The following FERMT1 variants were observed in gnomAD, a reference collection of about 807,000 sequenced individuals.
The protein encoded by FERMT1 is fermitin family homolog 1.
FERMT1 carries 60 observed loss-of-function variants against 85.3 expected under a neutral mutation model. The ratio of observed to expected loss-of-function variants is 0.70; its 90% CI spans 0.57 to 0.87. The LOEUF is 0.87. Among genes scored for constraint, FERMT1 ranks in the 40% least tolerant of loss-of-function variants. The pLI is 0.00. For synonymous variants in FERMT1, 275 were observed against 301.1 expected (o/e 0.91, Z 0.90); for missense variants, 701 against 818.9 (o/e 0.86, Z 1.76).
At chr20:6,108,479 G>A (rs1434395201) in intron 5 of FERMT1, among the ~76,000 whole-genome samples, 1 of 152,086 alleles carries the variant, frequency 6.6e-6, no homozygotes, top group Non-Finnish European at 1.5e-5. Flanking sequence ...TGTAGACAAA[G>A]AGACTTAGTC....
At position 6,110,386 on chromosome 20, in the gene FERMT1, C is replaced by T. The variant is rs77424372; in HGVS notation, c.658G>A (p.Ala220Thr). ...GGGGACTGGGGGGGTTGGCTGAATGCGAGGATGCTGCAGTTTTGTTCCGTC... is the reference window on the plus strand; with the variant it reads ...GGGGACTGGGGGGGTTGGCTGAATGTGAGGATGCTGCAGTTTTGTTCCGTC... The part of the protein sequence containing the change: ...PLTEQNCSIL[A>T]FSQPPQSPEA... The change falls in exon 5 of 15, where the codon GCA becomes ACA. Residue 220 changes from alanine to threonine, a missense_variant. Ala to Thr is a moderately conservative substitution (Grantham distance 58). Coordinates refer to ENST00000217289, the MANE Select transcript of FERMT1 (RefSeq NM_017671.5). 14 of 1,613,890 alleles carry T rather than the reference C, an allele frequency of 8.7e-6. No individual in the cohort carries two copies. Among genetic ancestry groups the T allele is most frequent in the African/African-American group, 2.7e-5 (2 of 74,974 alleles).
At position 6,084,145 on chromosome 20, in the gene FERMT1, T is replaced by G; in HGVS notation, c.1613A>C (p.Glu538Ala). Residue 538 changes from glutamate (E) to alanine (A), a missense_variant, in exon 13 of 15, where the codon GAG becomes GCG. Coordinates refer to ENST00000217289, the MANE Select transcript of FERMT1 (RefSeq NM_017671.5). ...CATCTGGGCCACGTTCTGGTGCGCCTCCAGGATCCGGGCGGCCAGCTGAAC... is the reference window on the plus strand; with the variant it reads ...CATCTGGGCCACGTTCTGGTGCGCCGCCAGGATCCGGGCGGCCAGCTGAAC... ...KSKQLAARILEAHQNVAQMPL... is the reference protein window; with the variant it reads ...KSKQLAARILAAHQNVAQMPL... 6.2e-7 allele frequency: 1 copy of G among 1,612,896 alleles called. No homozygotes were observed. The highest frequency in any genetic ancestry group is 8.5e-7 in the Non-Finnish European group (1 of 1,179,506).
In FERMT1 at chr20:6,110,492, A is replaced by G. The variant is rs757388806; in HGVS notation, c.552T>C (p.Ser184=). 2 of 1,613,860 alleles carry G rather than the reference A, an allele frequency of 1.2e-6. No individual in the cohort carries two copies. Among genetic ancestry groups the G allele is most frequent in the Admixed American group, 1.7e-5 (1 of 59,992 alleles). ...GGTCATATATAGGGGTCATGGTTTT[A>G]CTGTATAAACCAGGACTTACTGCAA... ...SGSSVSPGLY[S]KTMTPIYDPI... The change falls in exon 5 of 15, where the codon AGT becomes AGC. Residue 184 remains serine, a synonymous_variant. Transcript: ENST00000217289.
intron 9 of FERMT1, among the ~76,000 whole-genome samples, chr20:6,091,111 C>T (rs1207099660): frequency 4.0e-5 from 6 of 151,800 alleles, no homozygotes; most frequent in South Asian, 2.1e-4. Context: ...TGCAGTGAGC[C>T]GAGATCACGC....
intron 13 of FERMT1, among the ~76,000 whole-genome samples, chr20:6,083,663 C>CG (rs66793564): frequency 2.6e-5 from 2 of 75,666 alleles, no homozygotes; most frequent in Non-Finnish European, 5.3e-5. Context: ...ACACCCCCCC[C>CG]CCCGGCCACC....
At chr20:6,084,301 A>C in intron 12 of FERMT1, 137 bp from the exon 13 acceptor site, 1 of 942,714 alleles carries the variant, frequency 1.1e-6, no homozygotes, top group Non-Finnish European at 1.6e-6. Context: ...ATTCTCATCC[A>C]TTCATTCTCT....
intron 3 of FERMT1, among the ~76,000 whole-genome samples, chr20:6,113,086 T>C (rs1050436436): frequency 4.6e-5 from 7 of 151,882 alleles, no homozygotes; most frequent in Non-Finnish European, 8.8e-5. Flanking sequence ...CAGTGGGAGG[T>C]AATTGAATCA....
rs1277770210 is a variant in FERMT1 at position 6,094,988 on chromosome 20, C to T, written c.1090G>A (p.Glu364Lys). The T allele has an allele frequency of 1.3e-6, 2 of 1,527,520 alleles. No homozygotes were observed. The highest frequency in any genetic ancestry group is 2.2e-5 in the East Asian group (1 of 44,456). 94.6% of individuals were successfully genotyped at this position (1,527,520 alleles called of 1,614,324 possible). A position where few individuals can be genotyped will look rare whatever the true frequency, so the allele number is the denominator to read the frequency against. ...LEGGKADSLLEDITDIPKLAD... is the reference protein window; with the variant it reads ...LEGGKADSLLKDITDIPKLAD... ...AGTTTAGGGATATCAGTAATGTCCT[C>T]CTAAGAAAAAACAAATAAAGTTTCA... is the stretch of plus-strand genomic sequence containing the variant. The change falls in exon 9 of 15, where the codon GAG (glutamate) becomes AAG (lysine). Residue 364 changes from glutamate to lysine, a missense_variant and splice_region_variant. By Grantham distance (56) the Glu-to-Lys change is moderately conservative. Transcript: ENST00000217289.
At position 6,097,639 on chromosome 20, in the gene FERMT1, C is replaced by G. The variant is rs1459952936; in HGVS notation, c.850-8G>C. The stretch of plus-strand genomic sequence containing the variant: ...TATTCGGACAGCATCATACTAGAGA[C>G]AAAAACAGAGGTGTGTGTGTAATGA... On this transcript the variant is annotated splice_polypyrimidine_tract_variant and splice_region_variant and intron_variant, in intron 6 of 14. Coordinates refer to ENST00000217289, the MANE Select transcript of FERMT1 (RefSeq NM_017671.5). 3.8e-6 allele frequency: 6 copies of G among 1,580,446 alleles called. No homozygotes were observed. Among genetic ancestry groups the G allele is most frequent in the African/African-American group, 2.7e-5 (2 of 74,166 alleles).
At chr20:6,099,705 GTC>G (rs965501042) in intron 6 of FERMT1, among the ~76,000 whole-genome samples, 8 of 150,134 alleles carry the variant, frequency 5.3e-5, no homozygotes, top group African/African-American at 1.9e-4. Flanking sequence ...CAAGACTCTT[GTC>G]TCTATTTTTT....
In FERMT1 at chr20:6,119,565, G is replaced by C; in HGVS notation, c.-11C>G. On this transcript the variant is annotated 5_prime_UTR_variant, in exon 2 of 15. Coordinates refer to ENST00000217289, the MANE Select transcript of FERMT1 (RefSeq NM_017671.5). ...AGTGGATGACAGCATTGTGGCAAAT[G>C]CTGGTGTCTGCTGAACAAAAAGGCA... 1 of 1,612,806 alleles carries C rather than the reference G, an allele frequency of 6.2e-7. No homozygotes were observed.
intron 6 of FERMT1, among the ~76,000 whole-genome samples, chr20:6,105,930 T>G (rs2123133281): frequency 6.6e-6 from 1 of 152,280 alleles, no homozygotes; most frequent in East Asian, 1.9e-4. Flanking sequence ...TTAGAATAGA[T>G]GGCATACAAC....
In FERMT1 at chr20:6,110,415, G is replaced by A; in HGVS notation, c.629C>T (p.Pro210Leu). 1 of 1,614,120 alleles carries A rather than the reference G, an allele frequency of 6.2e-7. No homozygotes were observed. ...GATGCTGCAGTTTTGTTCCGTCAAA[G>A]GGCTGTCACTGAACCAAGTCATGGT... is the stretch of plus-strand genomic sequence containing the variant. Reference protein sequence around the residue: ...SSTMTWFSDSPLTEQNCSILA... With the variant: ...SSTMTWFSDSLLTEQNCSILA... Residue 210 changes from proline (P) to leucine (L), a missense_variant, in exon 5 of 15, where the codon CCT becomes CTT. Physicochemically the swap from Pro to Leu is moderately conservative, Grantham distance 98. Transcript: ENST00000217289.
In FERMT1 at chr20:6,112,468, A is replaced by G; in HGVS notation, c.532+9T>C. ...GTTCAAACAACAAAACACCTGTAACAAGTCTTACCTGATGAACCTGAAGCT... is the reference window on the plus strand; with the variant it reads ...GTTCAAACAACAAAACACCTGTAACGAGTCTTACCTGATGAACCTGAAGCT... On this transcript the variant is annotated intron_variant, in intron 4 of 14. Coordinates refer to ENST00000217289, the MANE Select transcript of FERMT1 (RefSeq NM_017671.5). 6.2e-7 allele frequency: 1 copy of G among 1,613,356 alleles called. No homozygotes were observed. Among genetic ancestry groups the G allele is most frequent in the African/African-American group, 1.3e-5 (1 of 75,038 alleles).
intron 6 of FERMT1, among the ~76,000 whole-genome samples, chr20:6,103,734 A>G (rs1600440729): frequency 7.2e-6 from 1 of 139,504 alleles, no homozygotes; most frequent in Admixed American, 7.0e-5. Flanking sequence ...TTTTGTTTGT[A>G]GTATGTGTTG....
rs762897113 is a variant in FERMT1, at chr20:6,085,202, A to C, written c.1457T>G (p.Val486Gly). The change falls in exon 12 of 15, where the codon GTC becomes GGC. Residue 486 changes from valine to glycine, a missense_variant. Coordinates refer to ENST00000217289, the MANE Select transcript of FERMT1 (RefSeq NM_017671.5). ...TMADSSYQPE[V>G]LNILSFLRMK... ...CCTCAGAAATGAAAGGATGTTGAGG[A>C]CCTCTGGCTGGTAGGAGCTGTCTGC... 1 of 1,613,872 alleles carries C rather than the reference A, an allele frequency of 6.2e-7. No homozygotes were observed. The highest frequency in any genetic ancestry group is 1.3e-5 in the African/African-American group (1 of 74,830).
chr20:6,115,841 T>TA lies in FERMT1; in HGVS notation c.354dup (p.Lys119Ter). On this transcript the variant is annotated frameshift_variant, in exon 3 of 15. Coordinates refer to ENST00000217289, the MANE Select transcript of FERMT1 (RefSeq NM_017671.5). LOFTEE classifies it high-confidence loss of function. ...ATTTTGCAGATATCACTGACAGCTT[T>TA]AAAAACCACAGCTGAGAAGCTGACT... is the stretch of plus-strand genomic sequence containing the variant. 1 of 1,614,192 alleles carries TA rather than the reference T, an allele frequency of 6.2e-7. No homozygotes were observed. The highest frequency in any genetic ancestry group is 8.5e-7 in the Non-Finnish European group (1 of 1,180,020).
intron 9 of FERMT1, among the ~76,000 whole-genome samples, chr20:6,093,393 C>G (rs1258525107): frequency 6.6e-6 from 1 of 152,198 alleles, no homozygotes; most frequent in East Asian, 1.9e-4. Context: ...AAGCCTGTGA[C>G]AGTTCAGGGT....
At chr20:6,118,290 A>G (rs1236194572) in intron 2 of FERMT1, among the ~76,000 whole-genome samples, 1 of 152,222 alleles carries the variant, frequency 6.6e-6, no homozygotes, top group Non-Finnish European at 1.5e-5. Flanking sequence ...GTGTAAGAGT[A>G]TATCCTTTAT....
Sources: allele counts gnomAD v4.1 joint callset (sites outside exome capture counted in the v4.1 genomes callset), GRCh38; gene constraint gnomAD v4.1.1; transcripts MANE v1.5; gene names NCBI Gene and HGNC (gene_info 2026-07-23, HGNC 2026-07-21).